ANKRD26: variants seen among roughly 807,000 people sequenced by gnomAD.
The protein encoded by ANKRD26 is ankyrin repeat domain-containing protein 26.
ANKRD26 carries 141 observed loss-of-function variants against 208.7 expected under a neutral mutation model. The observed-to-expected ratio is 0.68, with a 90% CI of 0.59 to 0.78. The LOEUF (loss-of-function observed/expected upper bound fraction) is 0.78, where lower values mean the gene tolerates loss of function less well. ANKRD26 is among the 30% of genes least tolerant of loss of function. ANKRD26 has a pLI of 0.00. For synonymous variants in ANKRD26, 636 were observed against 660.4 expected, an observed-to-expected ratio of 0.96 and a Z score of 0.57; for missense variants, 1,889 against 1,938.7, an observed-to-expected ratio of 0.97 and a Z score of 0.48.
At chr10:26,995,853 G>A (rs747546837) in intron 4 of ANKRD26, among the ~76,000 whole-genome samples, 2 of 152,118 alleles carry the variant, frequency 1.3e-5, no homozygotes, top group African/African-American at 2.4e-5. Flanking sequence ...TCCACGTATT[G>A]GATGAGCACT....
chr10:27,093,425 T>C lies in ANKRD26; in HGVS notation c.455A>G (p.Tyr152Cys), dbSNP rs889361179. Residue 152 changes from tyrosine to cysteine, a missense_variant, in exon 3 of 34, where the codon TAT becomes TGT. Around this residue, in one of 3 missense-constraint regions of ANKRD26, gnomAD observed 1,272 missense variants for 1,273.8 expected, o/e 1.00. Coordinates refer to ENST00000376087, the MANE Select transcript of ANKRD26 (RefSeq NM_014915.3). Reference protein sequence around the residue: ...ADVHGNTALHYAVYNEDISVA... With the variant: ...ADVHGNTALHCAVYNEDISVA... ...TGATATGTCCTCATTATAGACAGCA[T>C]AGTGAAGAGCAGTGTTGCCATGGAC... 10 of 1,614,050 alleles carry C rather than the reference T, an allele frequency of 6.2e-6. No homozygotes were observed. Among genetic ancestry groups the C allele is most frequent in the East Asian group, 4.5e-5 (2 of 44,894 alleles).
At chr10:26,956,402 GA>G in the ANKRD26 span, among the ~76,000 whole-genome samples, 1 of 151,986 alleles carries the variant, frequency 6.6e-6, no homozygotes, top group African/African-American at 2.4e-5. Context: ...CATCTCTTAT[GA>G]AAAAATATTA....
the ANKRD26 span, among the ~76,000 whole-genome samples, chr10:26,967,616 C>T: frequency 6.6e-6 from 1 of 152,158 alleles, no homozygotes; most frequent in African/African-American, 2.4e-5. Flanking sequence ...GGTCTACAGA[C>T]ACCTAAGATT....
At chr10:26,973,649 C>CTTTTTTTTTTTTTTTTTTTTTTT (rs71386903), downstream of ANKRD26, among the ~76,000 whole-genome samples, 11 of 88,428 alleles carry the variant, frequency 1.2e-4, no homozygotes, top group South Asian at 4.3e-4. Flanking sequence ...TTTATTTGTC[C>CTTTTTTTTTTTTTTTTTTTTTTT]TTTTTTTTTT....
At chr10:27,036,102 T>G (rs1278575728) in intron 23 of ANKRD26, among the ~76,000 whole-genome samples, 1 of 152,106 alleles carries the variant, frequency 6.6e-6, no homozygotes, top group Non-Finnish European at 1.5e-5. Flanking sequence ...TACTCTGATA[T>G]CTAACCCATA....
chr10:27,029,882 C>A (rs184179349), intron 25 of ANKRD26, among the ~76,000 whole-genome samples: 1 of 152,094 alleles, frequency 6.6e-6, no homozygotes, highest in African/African-American at 2.4e-5. Flanking sequence ...CGGGAATGGC[C>A]GGGTGGGAAT....
At position 27,014,542 on chromosome 10, in the gene ANKRD26, T is replaced by TA; in HGVS notation, c.4675dup (p.Tyr1559LeufsTer8). On this transcript the variant is annotated frameshift_variant, in exon 31 of 34. Coordinates refer to ENST00000376087, the MANE Select transcript of ANKRD26 (RefSeq NM_014915.3). LOFTEE classifies it high-confidence loss of function. ...TTTTCTAACTTTTAATTCTTCTAGATAGAGTTGCTTATATTTTTCCAGTTC... is the reference window on the plus strand; with the variant it reads ...TTTTCTAACTTTTAATTCTTCTAGATAAGAGTTGCTTATATTTTTCCAGTTC... The TA allele has an allele frequency of 6.3e-7, 1 of 1,599,170 alleles. No individual in the cohort carries two copies.
At chr10:27,077,040 A>T in intron 9 of ANKRD26, 2 of 369,916 alleles carry the variant, frequency 5.4e-6, no homozygotes, top group Non-Finnish European at 9.9e-6. Flanking sequence ...AAAAGGACAT[A>T]ACAAAAAAAG....
chr10:26,986,978 C>T (rs2052400128), downstream of ANKRD26, among the ~76,000 whole-genome samples: 1 of 152,198 alleles, frequency 6.6e-6, no homozygotes, highest in South Asian at 2.1e-4. Flanking sequence ...GACACATGCA[C>T]ATGTATGTTT....
chr10:27,013,070 C>A lies in ANKRD26; in HGVS notation c.4765G>T (p.Val1589Leu). The A allele has an allele frequency of 6.2e-7, 1 of 1,613,970 alleles. No homozygotes were observed. Among genetic ancestry groups the A allele is most frequent in the East Asian group, 2.2e-5 (1 of 44,880 alleles). Residue 1589 changes from valine (V) to leucine (L), a missense_variant, in exon 32 of 34, where the codon GTG (valine) becomes TTG (leucine). This residue lies in a region of ANKRD26 where 613 missense variants were observed against 648.2 expected (regional missense o/e 0.95). Transcript: ENST00000376087. ...RLAEVNTKLL[V>L]EKQQSRSLFT... ...AAAGATCTGCTCTGCTGTTTTTCCA[C>A]AAGAAGTTTGGTGTTGACCTCTGCT...
chr10:27,077,108 T>C (rs576431344), intron 9 of ANKRD26: 2 of 548,886 alleles, frequency 3.6e-6, no homozygotes, highest in Admixed American at 6.6e-5. Context: ...AAGAAAATAC[T>C]AGCAAACCGA....
Position 27,092,514 on chromosome 10 carries a change from T to C in ANKRD26, c.532-2A>G. 6.2e-7 allele frequency: 1 copy of C among 1,608,458 alleles called. No homozygotes were observed. Among genetic ancestry groups the C allele is most frequent in the South Asian group, 1.1e-5 (1 of 90,946 alleles). On this transcript the variant is annotated splice_acceptor_variant, in intron 3 of 33. Coordinates refer to ENST00000376087, the MANE Select transcript of ANKRD26 (RefSeq NM_014915.3). LOFTEE classifies it high-confidence loss of function. Reference sequence around the variant, plus strand: ...AAGTAAAAGTGGTGTGAGGTCATCCTGTAAGACAGCAAAAACAAGTTAAAA... The same window carrying C: ...AAGTAAAAGTGGTGTGAGGTCATCCCGTAAGACAGCAAAAACAAGTTAAAA...
the ANKRD26 span, among the ~76,000 whole-genome samples, chr10:26,962,299 C>T: frequency 1.2e-4 from 19 of 152,194 alleles, no homozygotes; most frequent in African/African-American, 4.6e-4. Context: ...GCCACGCGGC[C>T]AGGTACAGCC....
chr10:27,063,304 A>ATTATT (rs1235994401), intron 12 of ANKRD26, among the ~76,000 whole-genome samples: 1 of 151,802 alleles, frequency 6.6e-6, no homozygotes, highest in Non-Finnish European at 1.5e-5. Flanking sequence ...TTTCTAAAGA[A>ATTATT]TTATTTTATT....
chr10:27,077,405 G>A lies in ANKRD26; in HGVS notation c.1010C>T (p.Thr337Ile), dbSNP rs748888651. The change falls in exon 9 of 34, where the codon ACC becomes ATC. Residue 337 changes from threonine (T) to isoleucine (I), a missense_variant. Around this residue, in one of 3 missense-constraint regions of ANKRD26, gnomAD observed 1,272 missense variants for 1,273.8 expected, o/e 1.00. Coordinates refer to ENST00000376087, the MANE Select transcript of ANKRD26 (RefSeq NM_014915.3). ...SIKVQCFSHP[T>I]YQSPDLLPKP... ...TGGAAGAAGGTCAGGTGATTGATAG[G>A]TAGGATGAGAAAAGCACTGGACTTT... The A allele has an allele frequency of 2.5e-6, 4 of 1,614,022 alleles. No homozygotes were observed. The highest frequency in any genetic ancestry group is 3.4e-6 in the Non-Finnish European group (4 of 1,179,916).
chr10:27,028,656 C>G (rs1441996076), intron 27 of ANKRD26, among the ~76,000 whole-genome samples, 196 bp downstream of exon 27: 1 of 147,854 alleles, frequency 6.8e-6, no homozygotes, highest in Non-Finnish European at 1.5e-5. Flanking sequence ...TATGAAAAAT[C>G]AATGAATTTC....
In ANKRD26 at chr10:27,077,386, A is replaced by T; in HGVS notation, c.1029T>A (p.Leu343=). 6.2e-7 allele frequency: 1 copy of T among 1,614,094 alleles called. No individual in the cohort carries two copies. The highest frequency in any genetic ancestry group is 8.5e-7 in the Non-Finnish European group (1 of 1,179,978). The change falls in exon 9 of 34, where the codon CTT becomes CTA. Residue 343 remains leucine, a synonymous_variant. Transcript: ENST00000376087. ...FSHPTYQSPD[L]LPKPSHKSLA... ...ACGACTTGTGGGAAGGTTTTGGAAG[A>T]AGGTCAGGTGATTGATAGGTAGGAT...
the ANKRD26 span, among the ~76,000 whole-genome samples, chr10:26,956,242 T>C: frequency 3.3e-5 from 5 of 152,140 alleles, no homozygotes; most frequent in Non-Finnish European, 7.4e-5. Flanking sequence ...GGGCTAAAAA[T>C]AGGATATTTA....
chr10:27,059,182 G>T (rs1185836167), intron 15 of ANKRD26, among the ~76,000 whole-genome samples: 2 of 152,144 alleles, frequency 1.3e-5, no homozygotes, highest in African/African-American at 2.4e-5. Flanking sequence ...CCAAAGTGCT[G>T]GGCTAACAGG....
Sources: allele counts gnomAD v4.1 joint callset (sites outside exome capture counted in the v4.1 genomes callset), GRCh38; gene constraint gnomAD v4.1.1; regional missense constraint gnomAD v4.1.1; transcripts MANE v1.5; gene names NCBI Gene and HGNC (gene_info 2026-07-23, HGNC 2026-07-21).